Variants in RBFOX3 observed in about 807,000 individuals in gnomAD.
RBFOX3 encodes RNA binding protein fox-1 homolog 3.
Under a neutral mutation model 48.7 loss-of-function variants are expected in RBFOX3, and 17 were observed. That is an observed-to-expected ratio of 0.35 (90% CI 0.24 to 0.52). The LOEUF is 0.52. Among genes scored for constraint, RBFOX3 ranks in the 20% least tolerant of loss-of-function variants. The probability of loss-of-function intolerance (pLI) is 0.94; values close to 1 mark genes in which losing one functional copy is unlikely to be tolerated. For missense variants in RBFOX3, 382 were observed against 497.5 expected, an observed-to-expected ratio of 0.77 and a Z score of 2.21; for synonymous variants, 212 against 209.5, an observed-to-expected ratio of 1.01 and a Z score of -0.10.
intron 3 of RBFOX3, among the ~76,000 whole-genome samples, chr17:79,282,151 G>T (rs948008964): frequency 1.3e-5 from 2 of 152,182 alleles, no homozygotes; most frequent in African/African-American, 2.4e-5. Context: ...CTGGAGGGGG[G>T]CTTGGCAGCA....
intron 4 of RBFOX3, among the ~76,000 whole-genome samples, chr17:79,225,702 G>A (rs938283183): frequency 7.9e-5 from 12 of 152,232 alleles, no homozygotes; most frequent in Non-Finnish European, 1.2e-4. Flanking sequence ...TGGGTAGGGG[G>A]CTGCTGGGCA....
chr17:79,623,374 C>G, the RBFOX3 span, among the ~76,000 whole-genome samples: 35 of 152,328 alleles, frequency 2.3e-4, no homozygotes, highest in African/African-American at 8.2e-4. Flanking sequence ...CACGTCCTAA[C>G]CCCTGGAACC....
chr17:79,349,026 T>C (rs896464980), intron 2 of RBFOX3, among the ~76,000 whole-genome samples: 10 of 152,044 alleles, frequency 6.6e-5, no homozygotes, highest in Non-Finnish European at 5.9e-5. Flanking sequence ...AAGCCAGCTG[T>C]GCCTCTATCT....
chr17:79,206,366 C>G (rs2057479686), intron 4 of RBFOX3, among the ~76,000 whole-genome samples: 1 of 152,172 alleles, frequency 6.6e-6, no homozygotes, highest in South Asian at 2.1e-4. Context: ...GTCCAAGATG[C>G]AGTGACATCA....
chr17:79,133,205 C>T (rs2039394076), intron 4 of RBFOX3, among the ~76,000 whole-genome samples: 4 of 152,168 alleles, frequency 2.6e-5, no homozygotes, highest in Admixed American at 2.0e-4. Flanking sequence ...GTTACCAAGG[C>T]AGGGGCCAGT....
intron 3 of RBFOX3, among the ~76,000 whole-genome samples, chr17:79,286,445 C>A (rs2071895526): frequency 6.6e-6 from 1 of 152,224 alleles, no homozygotes; most frequent in Admixed American, 6.5e-5. Context: ...TCTCCCCCTG[C>A]AGCCTGCTCC....
At chr17:79,495,940 C>T (rs915144496) in intron 1 of RBFOX3, among the ~76,000 whole-genome samples, 2 of 151,898 alleles carry the variant, frequency 1.3e-5, no homozygotes, top group African/African-American at 2.4e-5. Flanking sequence ...GCAGTGGCAG[C>T]GTGGCAGATG....
At chr17:79,465,028 C>G (rs1300663328) in intron 2 of RBFOX3, among the ~76,000 whole-genome samples, 2 of 152,224 alleles carry the variant, frequency 1.3e-5, no homozygotes, top group African/African-American at 4.8e-5. Context: ...CAAGGGTCTC[C>G]CGTTTATGAG....
chr17:79,216,332 C>T (rs913631377), intron 4 of RBFOX3, among the ~76,000 whole-genome samples: 1 of 152,210 alleles, frequency 6.6e-6, no homozygotes, highest in Non-Finnish European at 1.5e-5. Flanking sequence ...AGGAAGTGTA[C>T]CCACCTGACG....
At chr17:79,476,863 G>A (rs1417223348) in intron 2 of RBFOX3, among the ~76,000 whole-genome samples, 1 of 151,430 alleles carries the variant, frequency 6.6e-6, no homozygotes, top group Non-Finnish European at 1.5e-5. Flanking sequence ...AGAGGAGGGG[G>A]AATGAGAAAG....
chr17:79,480,488 C>T lies in RBFOX3; in HGVS notation c.-175+1966G>A, dbSNP rs1158822207. ...TCACTCAGAGCCCTGCAGTGGCTCC[C>T]ACCACCCTTAAGACAAAATCCAAAG... On this transcript the variant is annotated intron_variant, in intron 2 of 14. Transcript: ENST00000693108. This position sits in a 1 kb window ranked among gnomAD's most constrained non-coding sequence, Gnocchi z 4.8. 4.6e-5 allele frequency among the ~76,000 whole-genome samples: 7 copies of T among 152,130 alleles called. No homozygotes were observed. Among genetic ancestry groups the T allele is most frequent in the Non-Finnish European group, 8.8e-5 (6 of 68,016 alleles).
At chr17:79,604,863 T>G (rs899852269) in intron 1 of RBFOX3, among the ~76,000 whole-genome samples, 13 of 152,188 alleles carry the variant, frequency 8.5e-5, no homozygotes, top group African/African-American at 3.1e-4. Context: ...TCATGACCGT[T>G]GCCTAAAAGC....
intron 3 of RBFOX3, among the ~76,000 whole-genome samples, chr17:79,305,219 G>GT (rs1007992872): frequency 6.6e-6 from 1 of 152,088 alleles, no homozygotes; most frequent in Non-Finnish European, 1.5e-5. Flanking sequence ...TCTTGCCTGT[G>GT]TGGGGGGGAA....
In RBFOX3 at chr17:79,240,881, G is replaced by C. The variant is rs1391630131; in HGVS notation, c.-73-5076C>G. On this transcript the variant is annotated intron_variant, in intron 3 of 14. Transcript: ENST00000693108. Reference sequence around the variant, plus strand: ...GGGTTTCACCATGTTAGCCAGGATAGTCTTGATCTCCTGACCTCGTGATCC... The same window carrying C: ...GGGTTTCACCATGTTAGCCAGGATACTCTTGATCTCCTGACCTCGTGATCC... 2.0e-5 allele frequency among the ~76,000 whole-genome samples: 3 copies of C among 152,144 alleles called. No individual in the cohort carries two copies. In the South Asian group the frequency reaches 6.2e-4, roughly 31 times the overall value.
chr17:79,598,226 A>G (rs1471804710), intron 1 of RBFOX3: 1 of 152,286 alleles, frequency 6.6e-6, no homozygotes, highest in Non-Finnish European at 1.5e-5. Flanking sequence ...CACTGCCTTT[A>G]CACACGTGGC....
chr17:79,348,636 A>C (rs572053812), intron 2 of RBFOX3, among the ~76,000 whole-genome samples: 1 of 123,578 alleles, frequency 8.1e-6, no homozygotes, highest in African/African-American at 3.2e-5. Context: ...GCTGGAGTGC[A>C]GTAGTGCCAT....
chr17:79,655,866 G>A, the RBFOX3 span, among the ~76,000 whole-genome samples: 5 of 152,118 alleles, frequency 3.3e-5, no homozygotes, highest in Admixed American at 6.5e-5. Flanking sequence ...ACACTCATGG[G>A]AGACATTCTC....
At chr17:79,147,227 G>A (rs1176606804) in intron 4 of RBFOX3, among the ~76,000 whole-genome samples, 2 of 152,216 alleles carry the variant, frequency 1.3e-5, no homozygotes, top group African/African-American at 4.8e-5. Flanking sequence ...GGAGGCGCTG[G>A]CCATGTCTGG....
In RBFOX3 at chr17:79,137,377, G is replaced by A. The variant is rs141106128; in HGVS notation, c.-33-21629C>T. 4.4e-3 allele frequency among the ~76,000 whole-genome samples: 668 copies of A among 152,242 alleles called. 5 individuals carry two copies. The highest frequency in any genetic ancestry group is 0.015 in the African/African-American group (635 of 41,526). ...GACAGGAGCACCCTCCAACCCCCAG[G>A]CCATTGTGAAATTATCAAATATCCT... On this transcript the variant is annotated intron_variant, in intron 4 of 14. Transcript: ENST00000693108.
Sources: allele counts gnomAD v4.1 joint callset (sites outside exome capture counted in the v4.1 genomes callset), GRCh38; gene constraint gnomAD v4.1.1; non-coding constraint Gnocchi (gnomAD v3.1); transcripts MANE v1.5; gene names NCBI Gene and HGNC (gene_info 2026-07-23, HGNC 2026-07-21).